The following AKAP6 variants were observed in gnomAD, a reference collection of about 807,000 sequenced individuals.
AKAP6 encodes the protein A-kinase anchor protein 6.
A neutral mutation model predicts 188.5 loss-of-function variants in AKAP6; 58 were observed. The ratio of observed to expected loss-of-function variants is 0.31; its 90% CI spans 0.25 to 0.38. AKAP6 has a LOEUF of 0.38. AKAP6 is among the 10% of genes least tolerant of loss of function. The pLI is 1.00. For missense variants in AKAP6, 2,710 were observed against 2,740.0 expected (o/e 0.99, Z 0.24); for synonymous variants, 989 against 998.6 (o/e 0.99, Z 0.18).
intron 1 of AKAP6, among the ~76,000 whole-genome samples, chr14:32,345,234 C>T (rs772887776): frequency 7.2e-5 from 11 of 152,200 alleles, no homozygotes; most frequent in Non-Finnish European, 1.3e-4. Flanking sequence ...ATTCAGTTCA[C>T]ACAGTCTATC....
intron 12 of AKAP6, among the ~76,000 whole-genome samples, chr14:32,807,565 G>A (rs2034122514): frequency 6.6e-6 from 1 of 152,120 alleles, no homozygotes; most frequent in African/African-American, 2.4e-5. Context: ...AAAAAGTCTA[G>A]TGATGAGTTT....
At chr14:32,384,327 C>T (rs1284394877) in intron 1 of AKAP6, among the ~76,000 whole-genome samples, 1 of 152,136 alleles carries the variant, frequency 6.6e-6, no homozygotes, top group Non-Finnish European at 1.5e-5. Context: ...TTACATTGCC[C>T]TAATCTGCAG....
intron 1 of AKAP6, among the ~76,000 whole-genome samples, chr14:32,330,834 T>C (rs575190004): frequency 6.9e-6 from 1 of 145,496 alleles, no homozygotes; most frequent in African/African-American, 2.5e-5. Flanking sequence ...ATCACGCACA[T>C]GCTTGCTACT....
intron 11 of AKAP6, among the ~76,000 whole-genome samples, chr14:32,749,214 T>G (rs2032030736): frequency 6.6e-6 from 1 of 152,196 alleles, no homozygotes; most frequent in Admixed American, 6.5e-5. Context: ...ATTTAGGTTT[T>G]TTTGATTGAG....
intron 12 of AKAP6, among the ~76,000 whole-genome samples, chr14:32,784,060 T>C (rs2033330483): frequency 6.6e-6 from 1 of 152,196 alleles, no homozygotes; most frequent in African/African-American, 2.4e-5. Context: ...TGGAGAAGTT[T>C]TAATTGTCAA....
At chr14:32,433,896 C>A in intron 2 of AKAP6, 79 bp downstream of exon 2, 3 of 1,367,508 alleles carry the variant, frequency 2.2e-6, no homozygotes, top group Admixed American at 2.0e-5. Flanking sequence ...TCTGTAATTT[C>A]CAGTGAGGAA....
At chr14:32,629,498 A>G (rs181962034) in intron 7 of AKAP6, among the ~76,000 whole-genome samples, 5 of 146,018 alleles carry the variant, frequency 3.4e-5, no homozygotes, top group African/African-American at 1.3e-4. Flanking sequence ...CCATTTGAGT[A>G]TATTTTCCCC....
At chr14:32,379,929 CCTCT>C (rs1338098052) in intron 1 of AKAP6, among the ~76,000 whole-genome samples, 1 of 152,182 alleles carries the variant, frequency 6.6e-6, no homozygotes, top group Non-Finnish European at 1.5e-5. Context: ...CTTTTCTACT[CCTCT>C]CTGTCTCTGT....
intron 2 of AKAP6, among the ~76,000 whole-genome samples, chr14:32,456,846 G>T (rs117076410): frequency 1.3e-4 from 20 of 152,106 alleles, no homozygotes; most frequent in African/African-American, 4.3e-4. Flanking sequence ...TTACCCAAGA[G>T]GAGGGAATTA....
chr14:32,466,365 G>A (rs1461601681), intron 2 of AKAP6, among the ~76,000 whole-genome samples: 2 of 152,188 alleles, frequency 1.3e-5, no homozygotes, highest in African/African-American at 2.4e-5. Flanking sequence ...AGAATATGTG[G>A]CACATGTACA....
At chr14:32,457,852 A>G (rs1340845922) in intron 2 of AKAP6, among the ~76,000 whole-genome samples, 1 of 152,196 alleles carries the variant, frequency 6.6e-6, no homozygotes, top group Non-Finnish European at 1.5e-5. Flanking sequence ...AAATTTAAAC[A>G]TTTCCATTCA....
intron 2 of AKAP6, among the ~76,000 whole-genome samples, chr14:32,455,727 A>C (rs916849288): frequency 2.0e-5 from 3 of 152,182 alleles, no homozygotes; most frequent in African/African-American, 7.2e-5. Context: ...CAATATGGTA[A>C]ACCTTGTAAT....
intron 12 of AKAP6, among the ~76,000 whole-genome samples, chr14:32,785,804 A>T (rs1466688671): frequency 6.6e-6 from 1 of 152,188 alleles, no homozygotes; most frequent in Non-Finnish European, 1.5e-5. Flanking sequence ...CGAATGCTAT[A>T]CTTATTTGGA....
At chr14:32,755,058 T>A (rs542662996) in intron 11 of AKAP6, among the ~76,000 whole-genome samples, 1 of 152,328 alleles carries the variant, frequency 6.6e-6, no homozygotes, top group East Asian at 1.9e-4. Context: ...ATTTTGGAAA[T>A]TTTCTCTCAC....
intron 7 of AKAP6, among the ~76,000 whole-genome samples, chr14:32,633,400 T>A (rs1268141427): frequency 1.3e-5 from 2 of 152,066 alleles, no homozygotes; most frequent in African/African-American, 2.4e-5. Flanking sequence ...TCTGGTAGAT[T>A]GCATTGTTGT....
Position 32,821,739 on chromosome 14 carries a change from C to T in AKAP6, c.3926C>T (p.Pro1309Leu). 1 of 1,613,732 alleles carries T rather than the reference C, an allele frequency of 6.2e-7. No homozygotes were observed. Reference sequence around the variant, plus strand: ...CACATGCCATTTCTGAAAAACAATCCAAAGGTCACTGGCATGACACAGCCT... The same window carrying T: ...CACATGCCATTTCTGAAAAACAATCTAAAGGTCACTGGCATGACACAGCCT... ...DNHMPFLKNN[P>L]KVTGMTQPNV... Residue 1309 changes from proline to leucine, a missense_variant, in exon 13 of 14, where the codon CCA (proline) becomes CTA (leucine). Physicochemically the swap from Pro to Leu is moderately conservative, Grantham distance 98. Around this residue, in one of 2 missense-constraint regions of AKAP6, gnomAD observed 2,473 missense variants for 2,426.1 expected, o/e 1.02. Transcript: ENST00000280979.
chr14:32,559,559 G>A (rs1253288357), intron 4 of AKAP6, among the ~76,000 whole-genome samples: 1 of 152,162 alleles, frequency 6.6e-6, no homozygotes, highest in African/African-American at 2.4e-5. Context: ...AGAGTTGGTA[G>A]TTTAAGAAGG....
intron 7 of AKAP6, among the ~76,000 whole-genome samples, chr14:32,625,364 ATATAT>A (rs369192150): frequency 6.6e-6 from 1 of 152,170 alleles, no homozygotes; most frequent in East Asian, 1.9e-4. Context: ...CATTTTTGTA[ATATAT>A]TATGTTTTAA....
intron 4 of AKAP6, among the ~76,000 whole-genome samples, chr14:32,560,127 T>C (rs1010536689): frequency 6.6e-6 from 1 of 152,090 alleles, no homozygotes; most frequent in South Asian, 2.1e-4. Flanking sequence ...AGATACACAG[T>C]AGATGAATGG....
Sources: allele counts gnomAD v4.1 joint callset (sites outside exome capture counted in the v4.1 genomes callset), GRCh38; gene constraint gnomAD v4.1.1; regional missense constraint gnomAD v4.1.1; transcripts MANE v1.5; gene names NCBI Gene and HGNC (gene_info 2026-07-23, HGNC 2026-07-21).